The following PLCL1 variants were observed in gnomAD, a reference collection of about 807,000 sequenced individuals.
PLCL1 encodes the protein inactive phospholipase C-like protein 1.
In PLCL1, 41 loss-of-function variants were observed where a neutral mutation model predicts 84.4. The observed-to-expected ratio is 0.49, with a 90% CI of 0.38 to 0.63. The LOEUF (loss-of-function observed/expected upper bound fraction) is 0.63. Among genes scored for constraint, PLCL1 ranks in the 30% least tolerant of loss-of-function variants. PLCL1 has a pLI of 0.00. For missense variants in PLCL1, 1,206 were observed against 1,367.8 expected (o/e 0.88, Z 1.87); for synonymous variants, 490 against 488.3 (o/e 1.00, Z -0.05).
chr2:197,959,063 A>G (rs1265586163), intron 1 of PLCL1, among the ~76,000 whole-genome samples: 4 of 152,064 alleles, frequency 2.6e-5, no homozygotes, highest in African/African-American at 9.7e-5. Flanking sequence ...AGGGAATTAG[A>G]AAATTTTTGT....
At chr2:197,816,945 G>A (rs1355533360) in intron 1 of PLCL1, among the ~76,000 whole-genome samples, 1 of 152,154 alleles carries the variant, frequency 6.6e-6, no homozygotes, top group Non-Finnish European at 1.5e-5. Flanking sequence ...ATTGTGTCAT[G>A]AAATTGTGCC....
chr2:197,985,124 G>C (rs1045327228), intron 1 of PLCL1, among the ~76,000 whole-genome samples: 1 of 152,088 alleles, frequency 6.6e-6, no homozygotes, highest in African/African-American at 2.4e-5. Flanking sequence ...TGAATGCTTT[G>C]GTGCAAGCGC....
intron 1 of PLCL1, among the ~76,000 whole-genome samples, chr2:197,880,965 A>G (rs1020322120): frequency 6.6e-6 from 1 of 152,216 alleles, no homozygotes; most frequent in Non-Finnish European, 1.5e-5. Flanking sequence ...ATGTGCAGAA[A>G]TGTACCTTTT....
At chr2:197,810,166 T>C in intron 1 of PLCL1, 1 of 386,718 alleles carries the variant, frequency 2.6e-6, no homozygotes, top group Non-Finnish European at 4.4e-6. Context: ...TAGATTTGGT[T>C]TATGATCCCC....
chr2:198,134,163 A>C (rs1009055475), intron 5 of PLCL1, among the ~76,000 whole-genome samples: 1 of 152,154 alleles, frequency 6.6e-6, no homozygotes, highest in Non-Finnish European at 1.5e-5. Flanking sequence ...AAAAAGTGTA[A>C]CTAGTAGTCT....
chr2:198,070,534 A>T (rs1692438792), intron 1 of PLCL1, among the ~76,000 whole-genome samples: 1 of 152,062 alleles, frequency 6.6e-6, no homozygotes, highest in South Asian at 2.1e-4. Context: ...TAGTTCTAAA[A>T]TGTAAGATAC....
At chr2:198,114,055 T>C (rs1311433874) in intron 5 of PLCL1, among the ~76,000 whole-genome samples, 1 of 151,838 alleles carries the variant, frequency 6.6e-6, no homozygotes, top group Admixed American at 6.6e-5. Flanking sequence ...GTTAGATATA[T>C]GGGTAAATTT....
At chr2:198,007,255 CAT>C (rs1221518379) in intron 1 of PLCL1, among the ~76,000 whole-genome samples, 1 of 152,100 alleles carries the variant, frequency 6.6e-6, no homozygotes. Flanking sequence ...GCTCACTACA[CAT>C]GATAAAAAAT....
chr2:197,949,157 G>T (rs1464790948), intron 1 of PLCL1, among the ~76,000 whole-genome samples: 1 of 152,176 alleles, frequency 6.6e-6, no homozygotes, highest in African/African-American at 2.4e-5. Flanking sequence ...AGATTTCACA[G>T]ATGATGAACA....
chr2:197,966,349 G>C (rs1689733309), intron 1 of PLCL1, among the ~76,000 whole-genome samples: 1 of 152,042 alleles, frequency 6.6e-6, no homozygotes, highest in Non-Finnish European at 1.5e-5. Context: ...AGTCCTTGTG[G>C]CCTAGACTGC....
Position 198,149,459 on chromosome 2 carries a change from T to C in PLCL1, c.*2497T>C, listed in dbSNP as rs1574347912. On this transcript the variant is annotated 3_prime_UTR_variant, in exon 6 of 6. Transcript: ENST00000428675. ...GCCACTGAGGTAATTAATGGAATAA[T>C]TGATTTTGAACTTGGGTCTGTCTGA... 1 of 152,186 alleles carries C rather than the reference T, an allele frequency of 6.6e-6. No homozygotes were observed. Among genetic ancestry groups the C allele is most frequent in the East Asian group, 1.9e-4 (1 of 5,194 alleles). 9.4% of individuals were successfully genotyped at this position (152,186 alleles called of 1,614,324 possible).
intron 1 of PLCL1, among the ~76,000 whole-genome samples, chr2:197,961,642 T>TAA (rs1553505961): frequency 1.4e-5 from 2 of 139,982 alleles, no homozygotes; most frequent in Admixed American, 7.2e-5. Flanking sequence ...TGTAGTCTTA[T>TAA]TAATATTTGG....
chr2:198,087,126 G>T (rs1465689498), intron 2 of PLCL1, among the ~76,000 whole-genome samples: 2 of 152,132 alleles, frequency 1.3e-5, no homozygotes, highest in Non-Finnish European at 2.9e-5. Context: ...TTAATTGAAA[G>T]AACATGGGTT....
At chr2:197,845,189 C>T (rs1304661849) in intron 1 of PLCL1, among the ~76,000 whole-genome samples, 1 of 152,004 alleles carries the variant, frequency 6.6e-6, no homozygotes, top group East Asian at 1.9e-4. Context: ...GCTCTGAATT[C>T]TTACCTTTGA....
chr2:197,834,072 C>T (rs111882620), intron 1 of PLCL1, among the ~76,000 whole-genome samples: 2,258 of 152,248 alleles, frequency 0.015, 61 homozygotes, highest in African/African-American at 0.052. Flanking sequence ...GGGTAAGATT[C>T]CCTATTTAAT....
Position 198,062,377 on chromosome 2 carries a change from A to G in PLCL1, c.241-21381A>G, listed in dbSNP as rs371104642. Among the ~76,000 whole-genome samples, 12 of 152,268 alleles carry G rather than the reference A, an allele frequency of 7.9e-5. No individual in the cohort carries two copies. In the East Asian group the frequency reaches 1.2e-3, roughly 15 times the overall value. ...AAAGCTTCTTTATTAACTTCTGTATATTTGAATGGAGGTTGGACTTTTCTC... is the reference window on the plus strand; with the variant it reads ...AAAGCTTCTTTATTAACTTCTGTATGTTTGAATGGAGGTTGGACTTTTCTC... On this transcript the variant is annotated intron_variant, in intron 1 of 5. Transcript: ENST00000428675.
chr2:197,813,103 C>G (rs1228475178), intron 1 of PLCL1, among the ~76,000 whole-genome samples: 4 of 152,048 alleles, frequency 2.6e-5, no homozygotes, highest in Non-Finnish European at 5.9e-5. Context: ...AGTATGTTTC[C>G]CCTCTAAGCC....
chr2:197,875,866 A>G (rs964407943), intron 1 of PLCL1, among the ~76,000 whole-genome samples: 9 of 152,290 alleles, frequency 5.9e-5, no homozygotes, highest in Middle Eastern at 3.4e-3. Context: ...ACAGGCTGGT[A>G]TTGCAGTCCC....
chr2:197,873,252 A>G (rs1210743631), intron 1 of PLCL1, among the ~76,000 whole-genome samples: 1 of 152,026 alleles, frequency 6.6e-6, no homozygotes, highest in Non-Finnish European at 1.5e-5. Flanking sequence ...GTGGGGGTAA[A>G]AAGCCCCAGC....
Sources: allele counts gnomAD v4.1 joint callset (sites outside exome capture counted in the v4.1 genomes callset), GRCh38; gene constraint gnomAD v4.1.1; transcripts MANE v1.5; gene names NCBI Gene and HGNC (gene_info 2026-07-23, HGNC 2026-07-21).